Variants in SOX6 observed in about 807,000 individuals in gnomAD.
The protein encoded by SOX6 is SRY-box transcription factor 6.
In SOX6, 11 loss-of-function variants were observed where a neutral mutation model predicts 97.8. The ratio of observed to expected loss-of-function variants is 0.11; its 90% CI spans 0.07 to 0.19. The LOEUF (loss-of-function observed/expected upper bound fraction) is 0.19, where lower values mean the gene tolerates loss of function less well. Ranked by LOEUF, SOX6 falls within the 10% of genes least tolerant of loss-of-function variation. SOX6 has a pLI of 1.00. For synonymous variants in SOX6, 360 were observed against 371.4 expected (o/e 0.97, Z 0.35); for missense variants, 810 against 1,039.5 (o/e 0.78, Z 3.04).
intron 2 of SOX6, among the ~76,000 whole-genome samples, chr11:16,340,694 C>T (rs1267344448): frequency 6.6e-6 from 1 of 151,974 alleles, no homozygotes; most frequent in Non-Finnish European, 1.5e-5. Context: ...TTTGCTCATA[C>T]CTATTTTATG....
intron 6 of SOX6, among the ~76,000 whole-genome samples, chr11:16,181,419 G>GA (rs946521937): frequency 4.0e-5 from 6 of 150,410 alleles, no homozygotes; most frequent in Admixed American, 2.0e-4. Flanking sequence ...TTTTTTGATA[G>GA]AAAAAAAATG....
In SOX6 at chr11:16,603,320, G is replaced by A. The variant is rs143656525; in HGVS notation, n.609+8761C>T. On this transcript the variant is annotated intron_variant and non_coding_transcript_variant, in intron 4 of 5. Coordinates refer to the SOX6 transcript ENST00000524520. ...AAAGCAGACCTGACACTGGGATCTG[G>A]GAAGCCAGGTAGGAAGCTCAAGAAA... Among the ~76,000 whole-genome samples, 23 of 152,268 alleles carry A rather than the reference G, an allele frequency of 1.5e-4. No individual in the cohort carries two copies. The East Asian group carries it at 4.1e-3, about 27-fold the overall frequency.
intron 12 of SOX6, among the ~76,000 whole-genome samples, chr11:16,027,704 T>C (rs1252458250): frequency 6.6e-6 from 1 of 152,240 alleles, no homozygotes. Context: ...CTTGCTGGAA[T>C]GTCTCAAGTC....
At chr11:16,550,659 G>A (rs1270523472) in intron 4 of SOX6, among the ~76,000 whole-genome samples, 6 of 152,024 alleles carry the variant, frequency 3.9e-5, no homozygotes, top group Non-Finnish European at 7.4e-5. Flanking sequence ...CCGCAACAGT[G>A]TACTGTGGGT....
chr11:16,141,828 C>T (rs908394204), intron 6 of SOX6, among the ~76,000 whole-genome samples: 2 of 152,076 alleles, frequency 1.3e-5, no homozygotes, highest in East Asian at 3.9e-4. Flanking sequence ...CATTGCTGAG[C>T]CTTGAGTTGG....
chr11:16,577,416 C>T (rs190827424), intron 4 of SOX6, among the ~76,000 whole-genome samples: 3 of 152,190 alleles, frequency 2.0e-5, no homozygotes, highest in African/African-American at 4.8e-5. Context: ...CAGAGAGAGT[C>T]GTATCTCAGC....
intron 6 of SOX6, among the ~76,000 whole-genome samples, chr11:16,121,663 T>C (rs1053885014): frequency 4.6e-5 from 7 of 152,012 alleles, no homozygotes; most frequent in African/African-American, 1.7e-4. Flanking sequence ...CTACTCTATC[T>C]ATGGTCTACA....
rs188712260 is a variant in SOX6, at chr11:16,374,033, C to G, written c.-4-32781G>C. 8.7e-4 allele frequency among the ~76,000 whole-genome samples: 133 copies of G among 152,148 alleles called. 1 individual carries two copies. The highest frequency in any genetic ancestry group is 2.8e-4 in the Non-Finnish European group (19 of 67,976). On this transcript the variant is annotated intron_variant, in intron 1 of 15. Transcript: ENST00000396356. Reference sequence around the variant, plus strand: ...TCAAGGCTGTACATCATTGACCCATCTTTAACTCAATACAGTTACTACAGC... The same window carrying G: ...TCAAGGCTGTACATCATTGACCCATGTTTAACTCAATACAGTTACTACAGC...
intron 4 of SOX6, among the ~76,000 whole-genome samples, chr11:16,526,198 G>A (rs1191403381): frequency 1.3e-5 from 2 of 152,062 alleles, no homozygotes; most frequent in East Asian, 1.9e-4. Context: ...TGTTTCTTGC[G>A]GCACTATTCA....
chr11:16,387,545 T>C (rs1858027292), intron 1 of SOX6, among the ~76,000 whole-genome samples: 1 of 152,078 alleles, frequency 6.6e-6, no homozygotes, highest in Non-Finnish European at 1.5e-5. Context: ...ATTATTTGAA[T>C]ATAAAAAGAT....
intron 2 of SOX6, among the ~76,000 whole-genome samples, chr11:16,721,618 C>CCT (rs59547335): frequency 0.011 from 245 of 22,334 alleles, 7 homozygotes; most frequent in South Asian, 0.024. Flanking sequence ...TCCCTCCCTC[C>CCT]CTCTCTCTCT....
At chr11:16,484,458 C>T in intron 4 of SOX6, 1 of 804,624 alleles carries the variant, frequency 1.2e-6, no homozygotes, top group Non-Finnish European at 2.3e-6. Flanking sequence ...ATGAAGAGCT[C>T]CTCGCACTTC....
At chr11:16,020,268 C>G (rs1333754295) in intron 12 of SOX6, among the ~76,000 whole-genome samples, 1 of 152,000 alleles carries the variant, frequency 6.6e-6, no homozygotes, top group Admixed American at 6.6e-5. Flanking sequence ...TCAATGCCCT[C>G]CTGCCATCAC....
intron 3 of SOX6, among the ~76,000 whole-genome samples, chr11:16,287,257 G>GTCTCTCTC (rs56921161): frequency 8.3e-6 from 1 of 120,592 alleles, no homozygotes; most frequent in African/African-American, 3.3e-5. Context: ...TCTTCTCTCT[G>GTCTCTCTC]TCTCTCTCTC....
chr11:16,648,180 T>C (rs1590036512), intron 3 of SOX6, among the ~76,000 whole-genome samples: 1 of 152,146 alleles, frequency 6.6e-6, no homozygotes, highest in Non-Finnish European at 1.5e-5. Context: ...CATGGCACCA[T>C]GGAGCAAGAC....
chr11:15,995,274 G>A (rs2119841521), intron 13 of SOX6, among the ~76,000 whole-genome samples: 1 of 152,264 alleles, frequency 6.6e-6, no homozygotes, highest in Non-Finnish European at 1.5e-5. Context: ...TGAAACTCCA[G>A]AGGAGCAACT....
chr11:16,550,554 T>C (rs1317630476), intron 4 of SOX6, among the ~76,000 whole-genome samples: 2 of 152,138 alleles, frequency 1.3e-5, no homozygotes, highest in Non-Finnish European at 2.9e-5. Context: ...AAAATGTCTA[T>C]CACTGTGTTA....
At chr11:16,614,110 C>T in intron 3 of SOX6, among the ~76,000 whole-genome samples, 1 of 152,218 alleles carries the variant, frequency 6.6e-6, no homozygotes, top group Non-Finnish European at 1.5e-5. Context: ...GAGTCTGCAG[C>T]TCCAAGTCAG....
intron 3 of SOX6, among the ~76,000 whole-genome samples, chr11:16,250,080 G>A (rs1056089874): frequency 6.6e-6 from 1 of 152,124 alleles, no homozygotes; most frequent in African/African-American, 2.4e-5. Flanking sequence ...CAACCCCTGG[G>A]CCATGGACTG....
Sources: gnomAD v4.1 joint callset for allele counts (sites outside exome capture counted in the v4.1 genomes callset) on GRCh38, gnomAD v4.1.1 for gene constraint, MANE v1.5 for transcripts, NCBI Gene and HGNC (gene_info 2026-07-23, HGNC 2026-07-21) for gene names.